The following DLG2 variants were observed in gnomAD, a reference collection of about 807,000 sequenced individuals.
DLG2 encodes discs large MAGUK scaffold protein 2.
DLG2 carries 45 observed loss-of-function variants against 132.5 expected under a neutral mutation model. That is an observed-to-expected ratio of 0.34 (90% CI 0.27 to 0.44). The LOEUF is 0.44. Ranked by LOEUF, DLG2 falls within the 20% of genes least tolerant of loss-of-function variation. DLG2 has a pLI of 1.00. For missense variants in DLG2, 1,045 were observed against 1,196.9 expected, an observed-to-expected ratio of 0.87 and a Z score of 1.87; for synonymous variants, 424 against 419.6, an observed-to-expected ratio of 1.01 and a Z score of -0.13.
chr11:85,012,565 A>T (rs1430387369), intron 6 of DLG2, among the ~76,000 whole-genome samples: 1 of 152,086 alleles, frequency 6.6e-6, no homozygotes, highest in East Asian at 1.9e-4. Flanking sequence ...TATAATTACA[A>T]ATATAATTAT....
chr11:84,356,954 A>G (rs6592177), intron 7 of DLG2, among the ~76,000 whole-genome samples: 62,415 of 152,024 alleles, frequency 0.41, 17,142 homozygotes, highest in African/African-American at 0.79. Flanking sequence ...GCTATTGGGT[A>G]GAAATCAGCT....
chr11:84,270,046 C>A (rs1362772377), intron 7 of DLG2, among the ~76,000 whole-genome samples: 2 of 152,126 alleles, frequency 1.3e-5, no homozygotes, highest in East Asian at 3.9e-4. Flanking sequence ...AAACACAGGC[C>A]AGTCTCTATG....
intron 17 of DLG2, among the ~76,000 whole-genome samples, chr11:83,822,656 T>C (rs1224572848): frequency 6.6e-6 from 1 of 152,204 alleles, no homozygotes; most frequent in Non-Finnish European, 1.5e-5. Flanking sequence ...TGGCTATAAG[T>C]GGCCAGTGGT....
At chr11:84,708,935 C>T (rs1036895174) in intron 6 of DLG2, among the ~76,000 whole-genome samples, 12 of 151,842 alleles carry the variant, frequency 7.9e-5, no homozygotes, top group South Asian at 4.1e-4. Context: ...ATATTTAAAA[C>T]AAAATTTTCT....
chr11:85,277,737 T>G (rs2152747060), intron 4 of DLG2, among the ~76,000 whole-genome samples: 1 of 152,244 alleles, frequency 6.6e-6, no homozygotes, highest in Admixed American at 6.5e-5. Flanking sequence ...TCTTTATAAA[T>G]CAAGTTACTA....
At chr11:85,402,897 CT>C (rs2088299546) in intron 3 of DLG2, among the ~76,000 whole-genome samples, 1 of 152,168 alleles carries the variant, frequency 6.6e-6, no homozygotes, top group South Asian at 2.1e-4. Context: ...GTTGTTGGGA[CT>C]GTAAATTAGT....
intron 6 of DLG2, among the ~76,000 whole-genome samples, chr11:85,053,328 A>G (rs2063090409): frequency 6.6e-6 from 1 of 152,166 alleles, no homozygotes; most frequent in South Asian, 2.1e-4. Context: ...TTGGGAAACC[A>G]TGTTACCTCT....
intron 2 of DLG2, among the ~76,000 whole-genome samples, chr11:85,619,931 C>T (rs575187097): frequency 6.6e-6 from 1 of 152,062 alleles, no homozygotes; most frequent in South Asian, 2.1e-4. Context: ...AATAAAATAA[C>T]CACACAAGGC....
intron 16 of DLG2, among the ~76,000 whole-genome samples, chr11:83,839,408 T>C (rs114550822): frequency 0.016 from 2,509 of 152,322 alleles, 85 homozygotes; most frequent in African/African-American, 0.057. Flanking sequence ...CTTATCCTAA[T>C]AACCTATTAC....
At chr11:83,695,035 A>G (rs2081641531) in intron 18 of DLG2, among the ~76,000 whole-genome samples, 1 of 152,234 alleles carries the variant, frequency 6.6e-6, no homozygotes, top group Non-Finnish European at 1.5e-5. Flanking sequence ...CACCACCTAT[A>G]AAAGTAAGGC....
At chr11:84,849,170 CA>C (rs1331236604) in intron 6 of DLG2, among the ~76,000 whole-genome samples, 1 of 152,142 alleles carries the variant, frequency 6.6e-6, no homozygotes, top group Non-Finnish European at 1.5e-5. Context: ...AACAGTCAAA[CA>C]GCGTAAGAGA....
chr11:85,412,760 C>CACATATATATATATAT (rs756868795), intron 3 of DLG2, among the ~76,000 whole-genome samples: 9 of 113,272 alleles, frequency 7.9e-5, no homozygotes, highest in African/African-American at 3.3e-4. Context: ...CACACACACA[C>CACATATATATATATAT]ATATATATAT....
intron 6 of DLG2, among the ~76,000 whole-genome samples, chr11:85,004,841 G>A (rs1461404240): frequency 6.6e-6 from 1 of 152,056 alleles, no homozygotes; most frequent in Non-Finnish European, 1.5e-5. Flanking sequence ...TTTTCTTCTA[G>A]GGTTTTTATG....
intron 10 of DLG2, among the ~76,000 whole-genome samples, chr11:84,088,827 C>T (rs1046726883): frequency 2.6e-5 from 4 of 152,110 alleles, no homozygotes; most frequent in Non-Finnish European, 4.4e-5. Context: ...CTAAAGAGAG[C>T]GCTGGTATCA....
At chr11:85,548,282 C>T (rs1200711634) in intron 3 of DLG2, among the ~76,000 whole-genome samples, 3 of 152,326 alleles carry the variant, frequency 2.0e-5, no homozygotes, top group South Asian at 2.1e-4. Context: ...TGAAGGTCCA[C>T]TCCAGACCCT....
At chr11:85,559,804 ATTAG>A (rs1223389916) in intron 3 of DLG2, among the ~76,000 whole-genome samples, 1 of 137,700 alleles carries the variant, frequency 7.3e-6, no homozygotes, top group African/African-American at 2.6e-5. Flanking sequence ...ATAGATGGTG[ATTAG>A]TTAGATGATT....
chr11:85,068,977 G>C (rs1011288845), intron 6 of DLG2, among the ~76,000 whole-genome samples: 2 of 152,052 alleles, frequency 1.3e-5, no homozygotes, highest in Non-Finnish European at 2.9e-5. Context: ...GAACAGAACA[G>C]AGCCCTCAGA....
chr11:83,714,585 C>G (rs2086248486), intron 18 of DLG2, among the ~76,000 whole-genome samples: 2 of 152,312 alleles, frequency 1.3e-5, no homozygotes, highest in South Asian at 2.1e-4. Context: ...CTTAACCTCT[C>G]TAACATTAAC....
At chr11:85,604,491 C>T (rs1264486514) in intron 2 of DLG2, among the ~76,000 whole-genome samples, 1 of 152,074 alleles carries the variant, frequency 6.6e-6, no homozygotes, top group Non-Finnish European at 1.5e-5. Flanking sequence ...AAGTGGAAAG[C>T]TGAGATAATT....
Sources: gnomAD v4.1 joint callset for allele counts (sites outside exome capture counted in the v4.1 genomes callset) on GRCh38, gnomAD v4.1.1 for gene constraint, MANE v1.5 for transcripts, NCBI Gene and HGNC (gene_info 2026-07-23, HGNC 2026-07-21) for gene names.